Variants in ALK observed in about 807,000 individuals in gnomAD.
ALK encodes the protein ALK tyrosine kinase receptor.
Under a neutral mutation model 163.1 loss-of-function variants are expected in ALK, and 74 were observed. The ratio of observed to expected loss-of-function variants is 0.45; its 90% CI spans 0.38 to 0.55. ALK has a LOEUF of 0.55. ALK is among the 20% of genes least tolerant of loss of function. The pLI is 0.00. For missense variants in ALK, 2,063 were observed against 2,105.3 expected, an observed-to-expected ratio of 0.98 and a Z score of 0.39; for synonymous variants, 960 against 843.2, an observed-to-expected ratio of 1.14 and a Z score of -2.40.
chr2:29,243,844 T>A (rs1215636976), intron 12 of ALK, among the ~76,000 whole-genome samples: 1 of 152,218 alleles, frequency 6.6e-6, no homozygotes, highest in African/African-American at 2.4e-5. Flanking sequence ...TGACTTGCAG[T>A]GATTCCAATT....
intron 3 of ALK, among the ~76,000 whole-genome samples, chr2:29,671,309 G>A (rs1677679975): frequency 6.6e-6 from 1 of 152,046 alleles, no homozygotes; most frequent in African/African-American, 2.4e-5. Context: ...GGGAAGGCTG[G>A]CTAGCAGTTT....
chr2:29,860,699 G>C (rs1244064509), intron 1 of ALK, among the ~76,000 whole-genome samples: 1 of 152,110 alleles, frequency 6.6e-6, no homozygotes, highest in African/African-American at 2.4e-5. Flanking sequence ...GACCACAATG[G>C]TATGAAACTA....
At chr2:29,825,838 A>T (rs1266478007) in intron 1 of ALK, among the ~76,000 whole-genome samples, 2 of 152,164 alleles carry the variant, frequency 1.3e-5, no homozygotes, top group Non-Finnish European at 2.9e-5. Context: ...TGAAGAAAGC[A>T]TCAGATGAAG....
At chr2:29,775,544 A>C (rs1288271295) in intron 1 of ALK, among the ~76,000 whole-genome samples, 1 of 152,032 alleles carries the variant, frequency 6.6e-6, no homozygotes, top group Non-Finnish European at 1.5e-5. Context: ...CTACAAAAAA[A>C]AAAAAACAAA....
At chr2:29,785,765 C>T (rs1216051681) in intron 1 of ALK, among the ~76,000 whole-genome samples, 2 of 152,012 alleles carry the variant, frequency 1.3e-5, no homozygotes, top group African/African-American at 4.8e-5. Flanking sequence ...ACACTACTGA[C>T]CCTCACCACC....
At chr2:29,596,531 A>C (rs1253422147) in intron 3 of ALK, among the ~76,000 whole-genome samples, 2 of 152,184 alleles carry the variant, frequency 1.3e-5, no homozygotes, top group African/African-American at 4.8e-5. Context: ...CTTAAGAAAC[A>C]ATAGAGATTC....
In ALK at chr2:29,896,661, T is replaced by C. The variant is rs149224119; in HGVS notation, c.667+23332A>G. Among the ~76,000 whole-genome samples, 946 of 152,322 alleles carry C rather than the reference T, an allele frequency of 6.2e-3. 9 individuals are homozygous for C. Among genetic ancestry groups the C allele is most frequent in the African/African-American group, 0.022 (903 of 41,576 alleles). On this transcript the variant is annotated intron_variant, in intron 1 of 28. Coordinates refer to ENST00000389048, the MANE Select transcript of ALK (RefSeq NM_004304.5). ...TTTCTGCTGCTTAAGCTTCCCATTC[T>C]GTAGGATTTTCTGATGGCAGCTCTA...
chr2:29,913,125 A>C (rs1202249902), intron 1 of ALK, among the ~76,000 whole-genome samples: 2 of 152,104 alleles, frequency 1.3e-5, no homozygotes. Context: ...TCAGAAAGGT[A>C]AGGTGCAAGA....
At chr2:29,370,036 G>A (rs572588979) in intron 5 of ALK, among the ~76,000 whole-genome samples, 8 of 152,116 alleles carry the variant, frequency 5.3e-5, no homozygotes, top group South Asian at 4.2e-4. Flanking sequence ...TGCAGGGAGC[G>A]AGCATGAGTT....
chr2:29,217,797 C>T (rs1669681901), intron 23 of ALK, among the ~76,000 whole-genome samples: 2 of 152,162 alleles, frequency 1.3e-5, no homozygotes, highest in African/African-American at 4.8e-5. Flanking sequence ...GTGATTCCAA[C>T]AAGCGAATCA....
chr2:29,686,289 A>G (rs1200225271), intron 3 of ALK, among the ~76,000 whole-genome samples: 4 of 152,120 alleles, frequency 2.6e-5, no homozygotes, highest in African/African-American at 9.7e-5. Flanking sequence ...CTCCAGAGAA[A>G]ACACTAGGGT....
chr2:29,677,976 T>C (rs1677935877), intron 3 of ALK, among the ~76,000 whole-genome samples: 1 of 152,068 alleles, frequency 6.6e-6, no homozygotes, highest in African/African-American at 2.4e-5. Flanking sequence ...TATAAGTCTA[T>C]TCAGATTTTA....
At chr2:29,217,280 CATGTCTGTGGTGT>C (rs1218597824) in intron 23 of ALK, among the ~76,000 whole-genome samples, 3 of 142,346 alleles carry the variant, frequency 2.1e-5, no homozygotes, top group Non-Finnish European at 3.0e-5. Context: ...TTGTGTGGTG[CATGTCTGTGGTGT>C]GTGTGATGTG....
chr2:29,448,655 A>C (rs1670747474), intron 4 of ALK, among the ~76,000 whole-genome samples: 2 of 152,336 alleles, frequency 1.3e-5, no homozygotes, highest in South Asian at 4.1e-4. Context: ...CAAAAGCTCC[A>C]TGGGTAAACG....
Position 29,239,818 on chromosome 2 carries a change from G to A in ALK, c.2217C>T (p.Tyr739=), listed in dbSNP as rs141858653. Residue 739 remains tyrosine, a synonymous_variant, in exon 13 of 29, where the codon TAC becomes TAT. Transcript: ENST00000389048. ...PATDTYSISG[Y]GAAGGKGGKN... ...TCCCGCCTTTCCCGCCAGCAGCTCC[G>A]TAGCCCGAGATGCTGCAATGGGACA... is the stretch of plus-strand genomic sequence containing the variant. 18 of 1,613,518 alleles carry A rather than the reference G, an allele frequency of 1.1e-5. No homozygotes were observed. In the African/African-American group the frequency reaches 1.3e-4, roughly 12 times the overall value.
intron 3 of ALK, among the ~76,000 whole-genome samples, chr2:29,540,207 C>G (rs1241882000): frequency 1.3e-5 from 2 of 152,082 alleles, no homozygotes; most frequent in Non-Finnish European, 2.9e-5. Flanking sequence ...TACACAGTTT[C>G]TTTATAGGGT....
In ALK at chr2:29,851,477, T is replaced by C. The variant is rs993093200; in HGVS notation, c.667+68516A>G. On this transcript the variant is annotated intron_variant, in intron 1 of 28. Coordinates refer to ENST00000389048, the MANE Select transcript of ALK (RefSeq NM_004304.5). ...TCCTCTTGGTCTGTCTAAGAGCTGATTATTTCTCAGATTTTATTAAAGTCA... is the reference window on the plus strand; with the variant it reads ...TCCTCTTGGTCTGTCTAAGAGCTGACTATTTCTCAGATTTTATTAAAGTCA... 3.9e-5 allele frequency among the ~76,000 whole-genome samples: 6 copies of C among 152,152 alleles called. No homozygotes were observed. In the East Asian group the frequency reaches 1.2e-3, roughly 29 times the overall value.
At chr2:29,797,739 C>CTCCATA (rs1196691595) in intron 1 of ALK, among the ~76,000 whole-genome samples, 2 of 152,106 alleles carry the variant, frequency 1.3e-5, no homozygotes, top group Non-Finnish European at 2.9e-5. Flanking sequence ...TCCTACTCAT[C>CTCCATA]TCCATATCCA....
At chr2:29,363,187 T>C (rs1016280695) in intron 5 of ALK, among the ~76,000 whole-genome samples, 19 of 152,218 alleles carry the variant, frequency 1.2e-4, no homozygotes, top group Non-Finnish European at 1.9e-4. Flanking sequence ...AATGTGGGTT[T>C]CAGGGATCTC....
Sources: gnomAD v4.1 joint callset for allele counts (sites outside exome capture counted in the v4.1 genomes callset) on GRCh38, gnomAD v4.1.1 for gene constraint, MANE v1.5 for transcripts, NCBI Gene and HGNC (gene_info 2026-07-23, HGNC 2026-07-21) for gene names.